The following TMEM260 variants were observed in gnomAD, a reference collection of about 807,000 sequenced individuals.
TMEM260 encodes the protein transmembrane protein 260.
Under a neutral mutation model 88.9 loss-of-function variants are expected in TMEM260, and 82 were observed. That is an observed-to-expected ratio of 0.92 (90% confidence interval 0.77 to 1.11). TMEM260 has a LOEUF of 1.11. Among genes scored for constraint, TMEM260 ranks in the 50% least tolerant of loss-of-function variants. The pLI, the probability that TMEM260 is intolerant of heterozygous loss-of-function variation, is 0.00. For missense variants in TMEM260, 902 were observed against 853.4 expected, an observed-to-expected ratio of 1.06 and a Z score of -0.71; for synonymous variants, 314 against 309.3, an observed-to-expected ratio of 1.02 and a Z score of -0.16.
At chr14:56,635,096 CTAATCATTATACA>C in intron 14 of TMEM260, 144 bp downstream of exon 14, 1 of 687,682 alleles carries the variant, frequency 1.5e-6, no homozygotes, top group Non-Finnish European at 2.5e-6. Flanking sequence ...AGGCACTGTA[CTAATCATTATACA>C]TGAATATTTC....
intron 5 of TMEM260, among the ~76,000 whole-genome samples, chr14:56,606,955 A>T (rs1046239495): frequency 3.9e-5 from 6 of 152,350 alleles, no homozygotes; most frequent in African/African-American, 1.4e-4. Flanking sequence ...TTGACAGGAA[A>T]GAACTTTTCC....
At chr14:56,645,710 C>A (rs1594904714) in intron 15 of TMEM260, among the ~76,000 whole-genome samples, 1 of 151,862 alleles carries the variant, frequency 6.6e-6, no homozygotes, top group Non-Finnish European at 1.5e-5. Context: ...CAACAAAAAA[C>A]TTAGTAGGAT....
chr14:56,630,042 G>GAAA (rs57944362), intron 12 of TMEM260, among the ~76,000 whole-genome samples: 12 of 133,192 alleles, frequency 9.0e-5, no homozygotes, highest in East Asian at 8.4e-4. Context: ...CCCTATCTCA[G>GAAA]AAAAAAAAAA....
intron 12 of TMEM260, among the ~76,000 whole-genome samples, chr14:56,626,282 A>G (rs1594867921): frequency 6.6e-6 from 1 of 152,218 alleles, no homozygotes; most frequent in African/African-American, 2.4e-5. Flanking sequence ...TGGCTCGTGG[A>G]GTAAACGACA....
In TMEM260 at chr14:56,603,848, T is replaced by C. The variant is rs1332699079; in HGVS notation, c.378T>C (p.Ala126=). The C allele has an allele frequency of 6.2e-7, 1 of 1,613,774 alleles. No individual in the cohort carries two copies. Among genetic ancestry groups the C allele is most frequent in the Non-Finnish European group, 8.5e-7 (1 of 1,179,800 alleles). The change falls in exon 4 of 16, where the codon GCT becomes GCC. Residue 126 remains alanine (A), a synonymous_variant. Coordinates refer to ENST00000261556, the MANE Select transcript of TMEM260 (RefSeq NM_017799.4). The stretch of plus-strand genomic sequence containing the variant: ...GCTCATCTGCTGGAGGAATCCTTGC[T>C]GCGGGGGTGTTTTCATTTTCTCGTC... ...LSGSSAGGIL[A]AGVFSFSRLT...
intron 7 of TMEM260, chr14:56,613,590 G>C (rs532053175): frequency 2.0e-5 from 3 of 152,042 alleles, no homozygotes; most frequent in Non-Finnish European, 4.4e-5. Context: ...TTATTAGCCT[G>C]CTGTTTTTCA....
the TMEM260 span, among the ~76,000 whole-genome samples, chr14:56,661,471 GAC>G: frequency 7.1e-6 from 1 of 140,816 alleles, no homozygotes; most frequent in Non-Finnish European, 1.5e-5. Context: ...TGGATAGACA[GAC>G]AGGTAGTTGG....
In TMEM260 at chr14:56,585,003, G is replaced by C; in HGVS notation, c.163G>C (p.Glu55Gln). The C allele has an allele frequency of 6.2e-7, 1 of 1,611,522 alleles. No individual in the cohort carries two copies. The highest frequency in any genetic ancestry group is 8.5e-7 in the Non-Finnish European group (1 of 1,178,756). ...GGTTTTACATTATTTTTTCACAGGG[G>C]AACTGATCACAGCCGCACATGAGCT... ...PPSVPGGDSG[E>Q]LITAAHELGV... The change falls in exon 2 of 16, where the codon GAA becomes CAA. Residue 55 changes from glutamate to glutamine, a missense_variant and splice_region_variant. Transcript: ENST00000261556.
rs754661988 is a variant in TMEM260, at chr14:56,605,663, T to C, written c.616T>C (p.Phe206Leu). The C allele has an allele frequency of 1.3e-6, 2 of 1,575,200 alleles. No homozygotes were observed. The highest frequency in any genetic ancestry group is 2.8e-5 in the African/African-American group (2 of 72,436). Residue 206 changes from phenylalanine (F) to leucine (L), a missense_variant, in exon 5 of 16, where the codon TTT becomes CTT. By Grantham distance (22) the Phe-to-Leu change is conservative. Coordinates refer to ENST00000261556, the MANE Select transcript of TMEM260 (RefSeq NM_017799.4). Reference protein sequence around the residue: ...YVLCIIPWILFQLLKKKELSL... With the variant: ...YVLCIIPWILLQLLKKKELSL... ...TTTGTGCATAATACCTTGGATTCTC[T>C]TTCAACTTTTAAAAAAGAAGGTACG... is the stretch of plus-strand genomic sequence containing the variant.
intron 13 of TMEM260, 57 bp from the exon 14 acceptor site, chr14:56,634,842 C>CAAAAAA: frequency 2.2e-6 from 3 of 1,334,762 alleles, no homozygotes; most frequent in Non-Finnish European, 3.1e-6. Flanking sequence ...AATTCTGTCT[C>CAAAAAA]AAAAAAAAAA....
chr14:56,600,692 G>A (rs1219627910), intron 3 of TMEM260, among the ~76,000 whole-genome samples: 5 of 151,922 alleles, frequency 3.3e-5, no homozygotes, highest in Non-Finnish European at 7.4e-5. Flanking sequence ...TGCTCACTAG[G>A]ATGTGGAAAA....
At chr14:56,587,944 C>T (rs1885615051) in intron 3 of TMEM260, among the ~76,000 whole-genome samples, 1 of 152,004 alleles carries the variant, frequency 6.6e-6, no homozygotes, top group South Asian at 2.1e-4. Flanking sequence ...TGTTGTATGA[C>T]CTGAACTTAA....
intron 15 of TMEM260, among the ~76,000 whole-genome samples, chr14:56,642,757 C>T (rs1889691524): frequency 6.6e-6 from 1 of 151,688 alleles, no homozygotes; most frequent in Non-Finnish European, 1.5e-5. Context: ...ATTGATAGAC[C>T]ACTAGCAAGA....
chr14:56,630,177 T>C (rs1594873470), intron 12 of TMEM260, among the ~76,000 whole-genome samples: 1 of 152,224 alleles, frequency 6.6e-6, no homozygotes, highest in East Asian at 1.9e-4. Context: ...TTTTCAAGAC[T>C]TTTTATTTGT....
intron 3 of TMEM260, among the ~76,000 whole-genome samples, chr14:56,589,081 T>C (rs142893332): frequency 6.6e-6 from 1 of 152,206 alleles, no homozygotes; most frequent in Non-Finnish European, 1.5e-5. Context: ...CTAGGTCTTA[T>C]TTACTGAATA....
At chr14:56,581,327 T>TC (rs1885118324) in intron 1 of TMEM260, among the ~76,000 whole-genome samples, 1 of 152,212 alleles carries the variant, frequency 6.6e-6, no homozygotes, top group Non-Finnish European at 1.5e-5. Context: ...GCCTACCACG[T>TC]TGAAGATCTT....
chr14:56,651,339 T>C (rs1890203075), downstream of TMEM260, among the ~76,000 whole-genome samples: 2 of 151,872 alleles, frequency 1.3e-5, no homozygotes, highest in African/African-American at 4.8e-5. Context: ...AAAAAAAAAT[T>C]CTGATTGCTC....
In TMEM260 at chr14:56,647,734, G is replaced by GA. The variant is rs750694842; in HGVS notation, c.*241dup. 2 of 483,756 alleles carry GA rather than the reference G, an allele frequency of 4.1e-6. No homozygotes were observed. Among genetic ancestry groups the GA allele is most frequent in the Non-Finnish European group, 7.2e-6 (2 of 276,874 alleles). The allele number at this position is 483,756 out of a possible 1,614,324, so 30.0% of individuals were successfully genotyped here. A position where few individuals can be genotyped will look rare whatever the true frequency, so the allele number is the denominator to read the frequency against. ...ATTACCATTTCAGTGAGAAGCTTTTGAAAAGTCTTCTGACTTCCAGTCTTT... is the reference window on the plus strand; with the variant it reads ...ATTACCATTTCAGTGAGAAGCTTTTGAAAAAGTCTTCTGACTTCCAGTCTTT... On this transcript the variant is annotated 3_prime_UTR_variant, in exon 16 of 16. Transcript: ENST00000261556.
At chr14:56,597,841 A>C (rs1368428343) in intron 3 of TMEM260, among the ~76,000 whole-genome samples, 1 of 152,190 alleles carries the variant, frequency 6.6e-6, no homozygotes, top group African/African-American at 2.4e-5. Context: ...AGGGAAAAGA[A>C]GCTTTGATGA....
Sources: gnomAD v4.1 joint callset for allele counts (sites outside exome capture counted in the v4.1 genomes callset) on GRCh38, gnomAD v4.1.1 for gene constraint, MANE v1.5 for transcripts, NCBI Gene and HGNC (gene_info 2026-07-23, HGNC 2026-07-21) for gene names.